The following CINP variants were observed in gnomAD, a reference collection of about 807,000 sequenced individuals.
CINP encodes the protein cyclin-dependent kinase 2-interacting protein.
CINP carries 11 observed loss-of-function variants against 20.5 expected under a neutral mutation model. The ratio of observed to expected loss-of-function variants is 0.54; its 90% CI spans 0.34 to 0.89. The LOEUF is 0.89. Ranked by LOEUF, CINP falls within the 40% of genes least tolerant of loss-of-function variation. The pLI is 0.02. For missense variants in CINP, 213 were observed against 251.0 expected (o/e 0.85, Z 1.02); for synonymous variants, 108 against 102.1 (o/e 1.06, Z -0.35).
Position 102,348,654 on chromosome 14 carries a change from C to G in CINP, c.542G>C (p.Ser181Thr). 1 of 1,614,120 alleles carries G rather than the reference C, an allele frequency of 6.2e-7. No homozygotes were observed. Among genetic ancestry groups the G allele is most frequent in the South Asian group, 1.1e-5 (1 of 91,032 alleles). ...AHTGDPDLTL[S>T]YLSMWLHQPY... ...CTGGTGCAGCCACATGGACAGGTAG[C>G]TCAGGGTGAGGTCGGGATCCCCGGT... is the stretch of plus-strand genomic sequence containing the variant. Residue 181 changes from serine to threonine, a missense_variant, in exon 5 of 5, where the codon AGC becomes ACC. Transcript: ENST00000216756.
At chr14:102,349,586 A>G (rs920013577) in intron 4 of CINP, among the ~76,000 whole-genome samples, 1 of 152,190 alleles carries the variant, frequency 6.6e-6, no homozygotes, top group African/African-American at 2.4e-5. Context: ...AAAAACCTCA[A>G]CAAACCAAAA....
chr14:102,353,519 AC>A (rs1886921377), intron 3 of CINP, among the ~76,000 whole-genome samples: 1 of 152,014 alleles, frequency 6.6e-6, no homozygotes, highest in Non-Finnish European at 1.5e-5. Context: ...AGTCCTGATG[AC>A]AGTATATCCA....
intron 4 of CINP, 114 bp from the exon 5 acceptor site, chr14:102,348,873 G>A: frequency 1.1e-6 from 1 of 930,260 alleles, no homozygotes; most frequent in Non-Finnish European, 1.6e-6. Context: ...CAACAGCACT[G>A]AGGGGAAGAA....
At chr14:102,355,456 G>A (rs905249563) in intron 3 of CINP, 8 of 206,132 alleles carry the variant, frequency 3.9e-5, no homozygotes, top group South Asian at 1.0e-4. Context: ...CGGAGTTTGC[G>A]GTGAGCCAAG....
rs999668006 is a variant in CINP at position 102,355,839 on chromosome 14, T to C, written c.235A>G (p.Lys79Glu). ...TCCTCGTTATATTCCAGACACACCTTTTCTTCATTTTCCTTCGAGGCTGGG... is the reference window on the plus strand; with the variant it reads ...TCCTCGTTATATTCCAGACACACCTCTTCTTCATTTTCCTTCGAGGCTGGG... ...SSPASKENEE[K>E]VCLEYNEELE... The change falls in exon 3 of 5, where the codon AAG becomes GAG. Residue 79 changes from lysine to glutamate, a missense_variant. Transcript: ENST00000216756. 2.5e-6 allele frequency: 4 copies of C among 1,614,098 alleles called. No individual in the cohort carries two copies. The highest frequency in any genetic ancestry group is 3.4e-6 in the Non-Finnish European group (4 of 1,180,018).
Position 102,359,504 on chromosome 14 carries a change from G to A in CINP, c.91C>T (p.His31Tyr). 6.2e-7 allele frequency: 1 copy of A among 1,613,170 alleles called. No homozygotes were observed. Among genetic ancestry groups the A allele is most frequent in the Non-Finnish European group, 8.5e-7 (1 of 1,179,440 alleles). The part of the protein sequence containing the change: ...RKIKDNAADW[H>Y]NLILKWETLN... ...GTTTCCCACTTCAGGATTAAATTGTGCCAATCAGCCGCATTGTCCTTAATT... is the reference window on the plus strand; with the variant it reads ...GTTTCCCACTTCAGGATTAAATTGTACCAATCAGCCGCATTGTCCTTAATT... Residue 31 changes from histidine (H) to tyrosine (Y), a missense_variant, in exon 2 of 5, where the codon CAC becomes TAC. Transcript: ENST00000216756.
At position 102,355,897 on chromosome 14, in the gene CINP, C is replaced by A; in HGVS notation, c.177G>T (p.Leu59Phe). Residue 59 changes from leucine (L) to phenylalanine (F), a missense_variant and splice_region_variant, in exon 3 of 5, where the codon TTG becomes TTT. Transcript: ENST00000216756. ...TGTCTAGTTCTATCTTGTCTTTATT[C>A]CTAAACAAAATAGAAAATAATGTGT... ...NNIANLKISL[L>F]NKDKIELDSS... 1 of 1,613,650 alleles carries A rather than the reference C, an allele frequency of 6.2e-7. No individual in the cohort carries two copies. Among genetic ancestry groups the A allele is most frequent in the Non-Finnish European group, 8.5e-7 (1 of 1,179,810 alleles).
chr14:102,358,222 T>A (rs186251118), intron 2 of CINP, among the ~76,000 whole-genome samples: 9 of 152,364 alleles, frequency 5.9e-5, no homozygotes, highest in African/African-American at 2.2e-4. Flanking sequence ...GGAAAGACAC[T>A]GTGCACACTG....
At chr14:102,359,645 G>A in intron 1 of CINP, 58 bp from the exon 2 acceptor site, 1 of 1,298,110 alleles carries the variant, frequency 7.7e-7, no homozygotes. Flanking sequence ...CATAGTTGGA[G>A]GGCAAATGTC....
At chr14:102,359,233 T>A (rs947994433) in intron 2 of CINP, among the ~76,000 whole-genome samples, 186 bp downstream of exon 2, 9 of 118,224 alleles carry the variant, frequency 7.6e-5, no homozygotes, top group East Asian at 2.1e-4. Flanking sequence ...ACTAAATATA[T>A]ATATATATAT....
chr14:102,349,069 G>A (rs1049826451), intron 4 of CINP, among the ~76,000 whole-genome samples: 4 of 152,144 alleles, frequency 2.6e-5, no homozygotes, highest in Non-Finnish European at 5.9e-5. Flanking sequence ...CCTAGCCATC[G>A]TGGCGAAAAC....
chr14:102,358,131 A>G (rs903749080), intron 2 of CINP, among the ~76,000 whole-genome samples: 10 of 152,244 alleles, frequency 6.6e-5, no homozygotes, highest in African/African-American at 2.4e-4. Context: ...CTGCAATCTC[A>G]TGAGAAAACT....
chr14:102,362,435 T>C, intron 1 of CINP: 2 of 666,246 alleles, frequency 3.0e-6, no homozygotes, highest in Non-Finnish European at 5.5e-6. Context: ...AACTGAGCAC[T>C]AGGCGAAAGC....
intron 2 of CINP, among the ~76,000 whole-genome samples, chr14:102,358,282 C>T (rs1290801851): frequency 6.6e-6 from 1 of 152,154 alleles, no homozygotes; most frequent in Non-Finnish European, 1.5e-5. Flanking sequence ...AGTTGATAAA[C>T]CAGTGTGAGA....
At chr14:102,359,398 G>C in intron 2 of CINP, 21 bp downstream of exon 2, 2 of 1,535,712 alleles carry the variant, frequency 1.3e-6, no homozygotes, top group Non-Finnish European at 1.8e-6. Flanking sequence ...CTTAGAGCAT[G>C]AAAAACCAAT....
chr14:102,349,637 T>G (rs1431433445), intron 4 of CINP, among the ~76,000 whole-genome samples: 1 of 152,074 alleles, frequency 6.6e-6, no homozygotes, highest in Non-Finnish European at 1.5e-5. Context: ...ATGAGAGATA[T>G]CTGCTTCCAC....
At position 102,358,085 on chromosome 14, in the gene CINP, G is replaced by C. The variant is rs117961880; in HGVS notation, c.176+1334C>G. ...GCCAGTGGAAAAAGCAAGAGAACCA[G>C]AACTGGAAGTGGGGTCTGAAGATGG... On this transcript the variant is annotated intron_variant, in intron 2 of 4. Transcript: ENST00000216756. Among the ~76,000 whole-genome samples, 878 of 152,296 alleles carry C rather than the reference G, an allele frequency of 5.8e-3. 23 individuals are homozygous for C. Among genetic ancestry groups the C allele is most frequent in the Admixed American group, 0.045 (692 of 15,300 alleles).
At chr14:102,357,119 G>A (rs192582266) in intron 2 of CINP, among the ~76,000 whole-genome samples, 2 of 152,172 alleles carry the variant, frequency 1.3e-5, no homozygotes, top group African/African-American at 2.4e-5. Context: ...GGTGGCTCAC[G>A]CCTGTAATCC....
intron 1 of CINP, 46 bp from the exon 2 acceptor site, chr14:102,359,633 A>G (rs917280226): frequency 6.9e-7 from 1 of 1,447,696 alleles, no homozygotes; most frequent in Middle Eastern, 1.8e-4. Flanking sequence ...GGAATATACA[A>G]TCATAGTTGG....
Sources: gnomAD v4.1 joint callset for allele counts (sites outside exome capture counted in the v4.1 genomes callset) on GRCh38, gnomAD v4.1.1 for gene constraint, MANE v1.5 for transcripts, NCBI Gene and HGNC (gene_info 2026-07-23, HGNC 2026-07-21) for gene names.